COX19: variants seen among roughly 807,000 people sequenced by gnomAD.
COX19 encodes the protein cytochrome c oxidase assembly protein COX19.
A neutral mutation model predicts 6.8 loss-of-function variants in COX19; 8 were observed. The observed-to-expected ratio is 1.18, with a 90% confidence interval of 0.69 to 2.12. COX19 has a LOEUF of 2.12. Among genes scored for constraint, COX19 ranks in the 30% most tolerant of loss-of-function variants. COX19 has a pLI of 0.00. For synonymous variants in COX19, 51 were observed against 38.0 expected (o/e 1.34, Z -1.26); for missense variants, 131 against 104.6 (o/e 1.25, Z -1.10).
Position 975,420 on chromosome 7 carries a change from C to T in COX19, c.82+8G>A. ...CAGACCCCTGCCCGCCGACCTTCCG[C>T]CGCTCACCTAAGTGATCCAGCGGGA... is the stretch of plus-strand genomic sequence containing the variant. On this transcript the variant is annotated splice_region_variant and intron_variant, in intron 1 of 2. Coordinates refer to ENST00000344111, the MANE Select transcript of COX19 (RefSeq NM_001031617.3). 1 of 1,584,464 alleles carries T rather than the reference C, an allele frequency of 6.3e-7. No individual in the cohort carries two copies. Among genetic ancestry groups the T allele is most frequent in the Non-Finnish European group, 8.6e-7 (1 of 1,167,212 alleles).
Position 972,413 on chromosome 7 carries a change from G to A in COX19, c.194+768C>T, listed in dbSNP as rs151077562. Reference sequence around the variant, plus strand: ...AACGGATTTTTGCCTTGAGGGAAATGTCTGAGTATGTTATGGGAACATGAA... The same window carrying A: ...AACGGATTTTTGCCTTGAGGGAAATATCTGAGTATGTTATGGGAACATGAA... On this transcript the variant is annotated intron_variant, in intron 2 of 2. Coordinates refer to ENST00000344111, the MANE Select transcript of COX19 (RefSeq NM_001031617.3). Among the ~76,000 whole-genome samples, 50 of 152,372 alleles carry A rather than the reference G, an allele frequency of 3.3e-4. 1 individual carries two copies. Among genetic ancestry groups the A allele is most frequent in the African/African-American group, 1.2e-3 (49 of 41,582 alleles).
chr7:973,252 A>T lies in COX19; in HGVS notation c.123T>A (p.Leu41=). 1 of 1,599,520 alleles carries T rather than the reference A, an allele frequency of 6.3e-7. No individual in the cohort carries two copies. Among genetic ancestry groups the T allele is most frequent in the Non-Finnish European group, 8.5e-7 (1 of 1,174,732 alleles). ...AAGCATTTTCAAAATTATTGTTATG[A>T]AGACACTTCATGAATTTCTCTTTAA... The part of the protein sequence containing the change: ...KSFKEKFMKC[L]HNNNFENALC... The change falls in exon 2 of 3, where the codon CTT becomes CTA. Residue 41 remains leucine, a synonymous_variant. Coordinates refer to ENST00000344111, the MANE Select transcript of COX19 (RefSeq NM_001031617.3).
At chr7:970,082 C>T (rs930738247) in intron 2 of COX19, among the ~76,000 whole-genome samples, 10 of 151,838 alleles carry the variant, frequency 6.6e-5, no homozygotes, top group African/African-American at 2.2e-4. Flanking sequence ...GTGATCCTCC[C>T]GCCTCAGCCT....
At chr7:972,453 G>C (rs1407924543) in intron 2 of COX19, among the ~76,000 whole-genome samples, 2 of 152,220 alleles carry the variant, frequency 1.3e-5, no homozygotes, top group Non-Finnish European at 2.9e-5. Context: ...GCTCAAAGTG[G>C]ATGGGCGAAT....
At chr7:970,714 C>A (rs762167183) in intron 2 of COX19, among the ~76,000 whole-genome samples, 1 of 152,056 alleles carries the variant, frequency 6.6e-6, no homozygotes. Context: ...GAATTACGGG[C>A]GTGAGCCACT....
chr7:966,475 T>A lies in COX19; in HGVS notation c.*2903A>T, dbSNP rs1225935310. 1 of 152,344 alleles carries A rather than the reference T, an allele frequency of 6.6e-6. No individual in the cohort carries two copies. Among genetic ancestry groups the A allele is most frequent in the Non-Finnish European group, 1.5e-5 (1 of 68,100 alleles). 9.4% of individuals were successfully genotyped at this position (152,344 alleles called of 1,614,324 possible). A position where few individuals can be genotyped will look rare whatever the true frequency, so the allele number is the denominator to read the frequency against. Reference sequence around the variant, plus strand: ...AGCCTGTTTATTTTCACGCTCACACTGCCCCAGGCTGGCCACCGTATGCTC... The same window carrying A: ...AGCCTGTTTATTTTCACGCTCACACAGCCCCAGGCTGGCCACCGTATGCTC... On this transcript the variant is annotated 3_prime_UTR_variant, in exon 3 of 3. Coordinates refer to ENST00000344111, the MANE Select transcript of COX19 (RefSeq NM_001031617.3).
At chr7:970,940 C>T (rs1413897837) in intron 2 of COX19, among the ~76,000 whole-genome samples, 2 of 152,164 alleles carry the variant, frequency 1.3e-5, no homozygotes, top group Admixed American at 6.5e-5. Flanking sequence ...CACGACTCAG[C>T]ATGACTCTTT....
intron 2 of COX19, among the ~76,000 whole-genome samples, chr7:970,008 T>G (rs871172): frequency 0.46 from 67,916 of 148,550 alleles, 18,546 homozygotes; most frequent in African/African-American, 0.78. Context: ...TTGTCTCCCA[T>G]GCTGGGATGC....
chr7:968,083 G>C lies in COX19; in HGVS notation c.*1295C>G, dbSNP rs763014608. Reference sequence around the variant, plus strand: ...TGACAGAGAGCAGACACGGGACAGTGACAGCTGCAGCCGAATCAGGTGGTA... The same window carrying C: ...TGACAGAGAGCAGACACGGGACAGTCACAGCTGCAGCCGAATCAGGTGGTA... On this transcript the variant is annotated 3_prime_UTR_variant, in exon 3 of 3. Transcript: ENST00000344111. 6.6e-6 allele frequency: 1 copy of C among 152,310 alleles called. No homozygotes were observed. The highest frequency in any genetic ancestry group is 1.5e-5 in the Non-Finnish European group (1 of 68,090). 9.4% of individuals were successfully genotyped at this position (152,310 alleles called of 1,614,324 possible).
intron 2 of COX19, among the ~76,000 whole-genome samples, chr7:971,934 C>T (rs773794244): frequency 1.3e-5 from 2 of 152,052 alleles, no homozygotes; most frequent in African/African-American, 2.4e-5. Flanking sequence ...TGAACATTTG[C>T]CTAAACATTG....
At chr7:975,278 C>A in intron 1 of COX19, 150 bp downstream of exon 1, 1 of 600,536 alleles carries the variant, frequency 1.7e-6, no homozygotes, top group Non-Finnish European at 2.8e-6. Flanking sequence ...AGCAGTGACC[C>A]AGGGCTGGGT....
At chr7:974,327 C>G (rs945653204) in intron 1 of COX19, among the ~76,000 whole-genome samples, 3 of 150,592 alleles carry the variant, frequency 2.0e-5, no homozygotes, top group African/African-American at 7.4e-5. Flanking sequence ...GAGGATGAGA[C>G]GGGAGACTCC....
At chr7:970,768 G>C (rs1028987943) in intron 2 of COX19, among the ~76,000 whole-genome samples, 5 of 152,050 alleles carry the variant, frequency 3.3e-5, no homozygotes, top group Non-Finnish European at 7.4e-5. Context: ...TGTAGATATA[G>C]GGTTTCACTA....
Position 966,565 on chromosome 7 carries a change from C to T in COX19, c.*2813G>A, listed in dbSNP as rs1449423450. 2.0e-5 allele frequency: 3 copies of T among 152,332 alleles called. No individual in the cohort carries two copies. The highest frequency in any genetic ancestry group is 7.2e-5 in the African/African-American group (3 of 41,462). The allele number at this position is 152,332 out of a possible 1,614,324, so 9.4% of individuals were successfully genotyped here. On this transcript the variant is annotated 3_prime_UTR_variant, in exon 3 of 3. Coordinates refer to ENST00000344111, the MANE Select transcript of COX19 (RefSeq NM_001031617.3). ...CCCAGCAATTCTTCACTCTCTAGCT[C>T]ATCTGATACCTTCTCTGGCCTGGCC...
chr7:969,588 C>T, intron 2 of COX19, 132 bp from the exon 3 acceptor site: 8 of 694,512 alleles, frequency 1.2e-5, no homozygotes, highest in South Asian at 4.9e-5. Context: ...AGTGGCCCCT[C>T]GGCCTCGGCC....
chr7:973,859 G>C (rs960202107), intron 1 of COX19, among the ~76,000 whole-genome samples: 1 of 150,038 alleles, frequency 6.7e-6, no homozygotes, highest in Non-Finnish European at 1.5e-5. Flanking sequence ...CCAGCTACTC[G>C]GGAGGCTGAG....
At position 967,889 on chromosome 7, in the gene COX19, C is replaced by T. The variant is rs576210292; in HGVS notation, c.*1489G>A. 2 of 152,438 alleles carry T rather than the reference C, an allele frequency of 1.3e-5. No homozygotes were observed. Among genetic ancestry groups the T allele is most frequent in the Admixed American group, 6.5e-5 (1 of 15,314 alleles). 9.4% of individuals were successfully genotyped at this position (152,438 alleles called of 1,614,324 possible). The stretch of plus-strand genomic sequence containing the variant: ...ATGGCACGTGGCCACACCGCGTCAG[C>T]GCCGACTCCACGGTGGCTGCGTCAC... On this transcript the variant is annotated 3_prime_UTR_variant, in exon 3 of 3. Coordinates refer to ENST00000344111, the MANE Select transcript of COX19 (RefSeq NM_001031617.3).
At chr7:974,650 T>A (rs1204805455) in intron 1 of COX19, among the ~76,000 whole-genome samples, 1 of 151,920 alleles carries the variant, frequency 6.6e-6, no homozygotes, top group Non-Finnish European at 1.5e-5. Context: ...AGATCGTTTT[T>A]CTTTTCTTTT....
chr7:971,361 A>G (rs551370988), intron 2 of COX19, among the ~76,000 whole-genome samples: 2 of 152,316 alleles, frequency 1.3e-5, no homozygotes, highest in South Asian at 4.1e-4. Context: ...CGGAGGTTGG[A>G]GTAAAGTAAT....
Sources: allele counts gnomAD v4.1 joint callset (sites outside exome capture counted in the v4.1 genomes callset), GRCh38; gene constraint gnomAD v4.1.1; transcripts MANE v1.5; gene names NCBI Gene and HGNC (gene_info 2026-07-23, HGNC 2026-07-21).